Variants in ZNF514 observed in about 807,000 individuals in gnomAD.
ZNF514 encodes zinc finger protein 514.
ZNF514 carries 12 observed loss-of-function variants against 9.7 expected under a neutral mutation model. The ratio of observed to expected loss-of-function variants is 1.24; its 90% confidence interval spans 0.79 to 2.01. The LOEUF (loss-of-function observed/expected upper bound fraction) is 2.01, where lower values mean the gene tolerates loss of function less well. Ranked by LOEUF, ZNF514 falls within the 30% of genes most tolerant of loss-of-function variation. The pLI, the probability that ZNF514 is intolerant of heterozygous loss-of-function variation, is 0.00. For missense variants in ZNF514, 467 were observed against 465.5 expected, an observed-to-expected ratio of 1.00 and a Z score of -0.03; for synonymous variants, 158 against 163.7, an observed-to-expected ratio of 0.97 and a Z score of 0.27.
rs1040505846 is a variant in ZNF514, at chr2:95,157,451, GA to G, written c.-95-13del. 2.2e-5 allele frequency: 28 copies of G among 1,287,544 alleles called. No individual in the cohort carries two copies. The highest frequency in any genetic ancestry group is 2.7e-5 in the Non-Finnish European group (27 of 987,034). The allele number at this position is 1,287,544 out of a possible 1,614,324, so 79.8% of individuals were successfully genotyped here. Reference sequence around the variant, plus strand: ...CTGAGAAGGGGAAGCTGGGAAGGTAGAAGGAGACATAAGGGAAGCTGACCCA... The same window carrying G: ...CTGAGAAGGGGAAGCTGGGAAGGTAGAGGAGACATAAGGGAAGCTGACCCA... On this transcript the variant is annotated splice_polypyrimidine_tract_variant and intron_variant, in intron 1 of 4. Coordinates refer to ENST00000295208, the MANE Select transcript of ZNF514 (RefSeq NM_032788.3).
the ZNF514 span, among the ~76,000 whole-genome samples, chr2:95,127,505 G>T: frequency 6.6e-6 from 1 of 152,196 alleles, no homozygotes; most frequent in Non-Finnish European, 1.5e-5. Flanking sequence ...CAGTGATTAA[G>T]TGCCACCACA....
At chr2:95,144,397 T>C (rs1277652302), downstream of ZNF514, among the ~76,000 whole-genome samples, 1 of 152,110 alleles carries the variant, frequency 6.6e-6, no homozygotes, top group Non-Finnish European at 1.5e-5. Context: ...GGTGATTGAG[T>C]TCAACTGTGA....
At chr2:95,135,355 GT>G in the ZNF514 span, among the ~76,000 whole-genome samples, 9 of 149,930 alleles carry the variant, frequency 6.0e-5, no homozygotes, top group African/African-American at 2.2e-4. Flanking sequence ...TGATGCCATT[GT>G]ATTACACATG....
rs183495982 is a variant in ZNF514 at position 95,158,884 on chromosome 2, T to C, written c.-96+356A>G. The stretch of plus-strand genomic sequence containing the variant: ...CCCTTCAGTGGGATTCCCCGGCCTC[T>C]TCCTGGGGTCCTCCTGATATCGGGC... On this transcript the variant is annotated intron_variant, in intron 1 of 4. Transcript: ENST00000295208. The C allele has an allele frequency of 3.7e-4, 473 of 1,289,806 alleles. 1 individual carries two copies. In the African/African-American group the frequency reaches 6.5e-3, roughly 18 times the overall value. 79.9% of individuals were successfully genotyped at this position (1,289,806 alleles called of 1,614,324 possible).
In ZNF514 at chr2:95,147,478, T is replaced by C. The variant is rs1388323277; in HGVS notation, c.*1804A>G. On this transcript the variant is annotated 3_prime_UTR_variant, in exon 5 of 5. Coordinates refer to ENST00000295208, the MANE Select transcript of ZNF514 (RefSeq NM_032788.3). ...GAACATTTTCGTCACCCTAAAAAGA[T>C]TCCTTGTAACATTTGCAGTTACTTT... 1.3e-5 allele frequency: 2 copies of C among 152,170 alleles called. No individual in the cohort carries two copies. Among genetic ancestry groups the C allele is most frequent in the African/African-American group, 4.8e-5 (2 of 41,444 alleles). 9.4% of individuals were successfully genotyped at this position (152,170 alleles called of 1,614,324 possible).
chr2:95,136,326 G>T, the ZNF514 span, among the ~76,000 whole-genome samples: 1 of 151,398 alleles, frequency 6.6e-6, no homozygotes, highest in African/African-American at 2.4e-5. Context: ...GTGTGATCTT[G>T]GCTCACTGCC....
At chr2:95,125,897 T>C in the ZNF514 span, among the ~76,000 whole-genome samples, 1 of 152,228 alleles carries the variant, frequency 6.6e-6, no homozygotes, top group African/African-American at 2.4e-5. Context: ...TTTTGGCTAT[T>C]GTGAATAATG....
the ZNF514 span, among the ~76,000 whole-genome samples, chr2:95,130,962 G>A: frequency 1.3e-5 from 2 of 152,190 alleles, no homozygotes; most frequent in African/African-American, 2.4e-5. Context: ...CTGCAGTAAA[G>A]ACAGGCGTTA....
chr2:95,144,328 A>G (rs1673313136), downstream of ZNF514, among the ~76,000 whole-genome samples: 1 of 152,192 alleles, frequency 6.6e-6, no homozygotes, highest in Admixed American at 6.5e-5. Flanking sequence ...AATACCAAGC[A>G]TGTAATTAGA....
chr2:95,151,969 C>T (rs1033932158), intron 4 of ZNF514, among the ~76,000 whole-genome samples: 1 of 152,250 alleles, frequency 6.6e-6, no homozygotes, highest in Non-Finnish European at 1.5e-5. Flanking sequence ...TTTAGCACCA[C>T]TTTCCTGAGC....
the ZNF514 span, among the ~76,000 whole-genome samples, chr2:95,126,537 AT>A: frequency 6.6e-6 from 1 of 151,550 alleles, no homozygotes; most frequent in African/African-American, 2.4e-5. Flanking sequence ...TGTTATCCCC[AT>A]TTTTTTTAGC....
At chr2:95,127,711 T>C in the ZNF514 span, among the ~76,000 whole-genome samples, 1 of 152,108 alleles carries the variant, frequency 6.6e-6, no homozygotes, top group East Asian at 1.9e-4. Context: ...TCCGCCTTAG[T>C]GGTTCTCCTG....
the ZNF514 span, among the ~76,000 whole-genome samples, chr2:95,133,860 G>C: frequency 1.3e-5 from 2 of 152,106 alleles, no homozygotes; most frequent in African/African-American, 4.8e-5. Flanking sequence ...GGGATATTGA[G>C]GAATTACTAT....
At chr2:95,127,185 T>C in the ZNF514 span, among the ~76,000 whole-genome samples, 1 of 152,234 alleles carries the variant, frequency 6.6e-6, no homozygotes, top group Non-Finnish European at 1.5e-5. Context: ...TTTGGTAGTG[T>C]ACCAATGCCT....
At chr2:95,126,229 G>A in the ZNF514 span, among the ~76,000 whole-genome samples, 1 of 151,984 alleles carries the variant, frequency 6.6e-6, no homozygotes, top group Non-Finnish European at 1.5e-5. Flanking sequence ...AAATTAGCCA[G>A]GTGTAGTGGC....
chr2:95,137,550 C>T, the ZNF514 span, among the ~76,000 whole-genome samples: 1 of 152,174 alleles, frequency 6.6e-6, no homozygotes, highest in African/African-American at 2.4e-5. Flanking sequence ...AAAGGTAGGA[C>T]ATGGCCAGGA....
At chr2:95,125,946 C>T in the ZNF514 span, among the ~76,000 whole-genome samples, 1 of 152,162 alleles carries the variant, frequency 6.6e-6, no homozygotes, top group Non-Finnish European at 1.5e-5. Context: ...CTCTTCAAAT[C>T]TCTGCTTTCA....
rs75604464 is a variant in ZNF514 at position 95,149,721 on chromosome 2, G to A, written c.764C>T (p.Thr255Ile). 1.2e-6 allele frequency: 2 copies of A among 1,614,132 alleles called. No homozygotes were observed. The highest frequency in any genetic ancestry group is 2.2e-5 in the East Asian group (1 of 44,898). ...SSLIKHQRTH[T>I]GEKPYECSEC... is the part of the protein sequence containing the mutation. ...ACTGCATTCATAGGGCTTTTCTCCA[G>A]TATGAGTTCTTTGATGTTTAATAAG... Residue 255 changes from threonine (T) to isoleucine (I), a missense_variant, in exon 5 of 5, where the codon ACT becomes ATT. Coordinates refer to ENST00000295208, the MANE Select transcript of ZNF514 (RefSeq NM_032788.3).
At chr2:95,125,192 T>C in the ZNF514 span, among the ~76,000 whole-genome samples, 1 of 151,774 alleles carries the variant, frequency 6.6e-6, no homozygotes, top group Admixed American at 6.6e-5. Context: ...AATTTTAAAA[T>C]TGTGGTAAAA....
Sources: gnomAD v4.1 joint callset for allele counts (sites outside exome capture counted in the v4.1 genomes callset) on GRCh38, gnomAD v4.1.1 for gene constraint, MANE v1.5 for transcripts, NCBI Gene and HGNC (gene_info 2026-07-23, HGNC 2026-07-21) for gene names.